ABCB1: variants seen among roughly 807,000 people sequenced by gnomAD.
ABCB1 encodes the protein ATP-dependent translocase ABCB1.
In ABCB1, 69 loss-of-function variants were observed where a neutral mutation model predicts 142.0. The ratio of observed to expected loss-of-function variants is 0.49; its 90% CI spans 0.40 to 0.59. ABCB1 has a LOEUF of 0.59. Among genes scored for constraint, ABCB1 ranks in the 20% least tolerant of loss-of-function variants. ABCB1 has a pLI of 0.00. For synonymous variants in ABCB1, 532 were observed against 539.2 expected (o/e 0.99, Z 0.18); for missense variants, 1,326 against 1,554.7 (o/e 0.85, Z 2.47).
rs1563081133 is a variant in ABCB1, at chr7:87,626,511, T to TATATATGTGTCATATATATGTGTC, written c.-330-25457_-330-25434dup. Among the ~76,000 whole-genome samples the TATATATGTGTCATATATATGTGTC allele has an allele frequency of 3.3e-3, 21 of 6,434 alleles. 8 individuals carry two copies. Among genetic ancestry groups the TATATATGTGTCATATATATGTGTC allele is most frequent in the African/African-American group, 6.8e-3 (4 of 588 alleles). The allele number at this position is 6,434 out of a possible 152,430, so 4.2% of individuals were successfully genotyped here. A position where few individuals can be genotyped will look rare whatever the true frequency, so the allele number is the denominator to read the frequency against. On this transcript the variant is annotated intron_variant, in intron 1 of 28. Transcript: ENST00000265724. Reference sequence around the variant, plus strand: ...ATATATATGTGTCATATATGTGTCATATATATGTGTCATATATATGTGTCA... The same window carrying TATATATGTGTCATATATATGTGTC: ...ATATATATGTGTCATATATGTGTCATATATATGTGTCATATATATGTGTCATATATGTGTCATATATATGTGTCA...
At chr7:87,598,914 T>C (rs1819323550) in intron 2 of ABCB1, among the ~76,000 whole-genome samples, 1 of 152,204 alleles carries the variant, frequency 6.6e-6, no homozygotes, top group Non-Finnish European at 1.5e-5. Context: ...AATTAGCTAC[T>C]GAGGGGTTCA....
At chr7:87,700,315 A>T in intron 1 of ABCB1, 1 of 894,968 alleles carries the variant, frequency 1.1e-6, no homozygotes, top group Non-Finnish European at 1.6e-6. Context: ...TTGCCATTAT[A>T]GTTCACTATA....
At chr7:87,640,192 G>GTATATA (rs772972684) in intron 1 of ABCB1, among the ~76,000 whole-genome samples, 13 of 145,452 alleles carry the variant, frequency 8.9e-5, no homozygotes, top group African/African-American at 3.3e-4. Context: ...ATATATATGT[G>GTATATA]TATATATATA....
At chr7:87,669,413 C>G (rs1157941914) in intron 1 of ABCB1, among the ~76,000 whole-genome samples, 1 of 152,084 alleles carries the variant, frequency 6.6e-6, no homozygotes, top group Non-Finnish European at 1.5e-5. Context: ...ACCATTGGGT[C>G]TTGCTTTTTT....
intron 8 of ABCB1, 56 bp downstream of exon 8, chr7:87,561,207 G>A: frequency 8.8e-6 from 14 of 1,598,086 alleles, no homozygotes; most frequent in East Asian, 2.2e-5. Flanking sequence ...CAATCTGAAG[G>A]GCATTTGAGA....
rs201641803 is a variant in ABCB1, at chr7:87,549,390, C to A, written c.1683G>T (p.Leu561Phe). 3.1e-6 allele frequency: 5 copies of A among 1,614,106 alleles called. No homozygotes were observed. The South Asian group carries it at 5.5e-5, about 18-fold the overall frequency. ...ILLLDEATSA[L>F]DTESEAVVQV... The stretch of plus-strand genomic sequence containing the variant: ...GAACCACTGCTTCGCTTTCTGTGTC[C>A]AAGGCTGACGTGGCCTCATCCAGCA... The change falls in exon 14 of 28, where the codon TTG becomes TTT. Residue 561 changes from leucine (L) to phenylalanine (F), a missense_variant. Coordinates refer to ENST00000622132, the MANE Select transcript of ABCB1 (RefSeq NM_001348946.2).
chr7:87,674,503 T>A (rs1348113512), intron 1 of ABCB1, among the ~76,000 whole-genome samples: 2 of 152,036 alleles, frequency 1.3e-5, no homozygotes, highest in African/African-American at 2.4e-5. Flanking sequence ...CACATACATG[T>A]ACCAGCATGG....
At chr7:87,539,433 C>T (rs4728699) in intron 18 of ABCB1, 88 bp from the exon 19 acceptor site, 1,274,311 of 1,331,250 alleles carry the variant, frequency 0.96, 610,142 homozygotes, top group East Asian at 1. Flanking sequence ...AGCAGGAGAT[C>T]AGACAAAGTC....
intron 1 of ABCB1, chr7:87,693,829 C>T (rs17328880): frequency 0.035 from 47,976 of 1,358,408 alleles, 994 homozygotes; most frequent in Middle Eastern, 0.042. Context: ...CTTAGTTGGG[C>T]TATTCAGTTT....
chr7:87,655,732 G>C (rs1014762313), intron 1 of ABCB1, among the ~76,000 whole-genome samples: 1 of 152,112 alleles, frequency 6.6e-6, no homozygotes, highest in Admixed American at 6.6e-5. Context: ...AAAATGATAA[G>C]TATGTGAGGG....
chr7:87,624,902 CAA>C (rs1820352040), intron 1 of ABCB1, among the ~76,000 whole-genome samples: 1 of 152,208 alleles, frequency 6.6e-6, no homozygotes, highest in Admixed American at 6.5e-5. Context: ...TTGTTTATGG[CAA>C]AGTCTTGGTA....
At chr7:87,683,630 G>T (rs1181056361) in intron 1 of ABCB1, among the ~76,000 whole-genome samples, 1 of 152,148 alleles carries the variant, frequency 6.6e-6, no homozygotes, top group Non-Finnish European at 1.5e-5. Flanking sequence ...TTTTATACAG[G>T]TGTGGTTCAT....
intron 1 of ABCB1, among the ~76,000 whole-genome samples, chr7:87,654,371 C>A (rs1327243973): frequency 6.6e-6 from 1 of 151,972 alleles, no homozygotes; most frequent in Non-Finnish European, 1.5e-5. Context: ...ATGTTACCAG[C>A]ATAAAAACAG....
chr7:87,521,025 G>A lies in ABCB1; in HGVS notation c.2686-149C>T, dbSNP rs866342455. ...TTTTCTCTGTAGAAAAAGATACTAA[G>A]TAATTTATCAAACTGAGTTATGGAT... On this transcript the variant is annotated intron_variant, in intron 21 of 27. Coordinates refer to ENST00000622132, the MANE Select transcript of ABCB1 (RefSeq NM_001348946.2). 19 of 668,332 alleles carry A rather than the reference G, an allele frequency of 2.8e-5. No homozygotes were observed. The African/African-American group carries it at 3.1e-4, about 11-fold the overall frequency. The allele number at this position is 668,332 out of a possible 1,614,324, so 41.4% of individuals were successfully genotyped here. A position where few individuals can be genotyped will look rare whatever the true frequency, so the allele number is the denominator to read the frequency against.
chr7:87,625,130 G>A lies in ABCB1; in HGVS notation c.-330-24052C>T, dbSNP rs184428464. Among the ~76,000 whole-genome samples the A allele has an allele frequency of 2.6e-3, 396 of 152,208 alleles. 2 individuals are homozygous for A. Among genetic ancestry groups the A allele is most frequent in the Non-Finnish European group, 2.7e-3 (182 of 68,006 alleles). ...AAATTAGCCGGGCGTGGTGGCAGGC[G>A]CCTGTAGTCCCAGCGACTCGGGAGG... On this transcript the variant is annotated intron_variant, in intron 1 of 28. Transcript: ENST00000265724.
chr7:87,680,981 G>T (rs947522940), intron 1 of ABCB1, among the ~76,000 whole-genome samples: 4 of 150,450 alleles, frequency 2.7e-5, no homozygotes, highest in East Asian at 4.0e-4. Flanking sequence ...TAAACTTCTG[G>T]TTAGGCTGAT....
chr7:87,553,435 C>T (rs1817169585), intron 9 of ABCB1, among the ~76,000 whole-genome samples: 1 of 151,410 alleles, frequency 6.6e-6, no homozygotes, highest in East Asian at 1.9e-4. Context: ...ATTCTCTTGC[C>T]TCAGCCTCCT....
intron 4 of ABCB1, among the ~76,000 whole-genome samples, chr7:87,581,381 GA>G: frequency 6.6e-6 from 1 of 151,968 alleles, no homozygotes; most frequent in East Asian, 1.9e-4. Flanking sequence ...CTTTATCTAG[GA>G]TCATTTCCAG....
In ABCB1 at chr7:87,549,893, G is replaced by A; in HGVS notation, c.1512C>T (p.Val504=). The A allele has an allele frequency of 1.2e-6, 2 of 1,614,154 alleles. No individual in the cohort carries two copies. The highest frequency in any genetic ancestry group is 1.7e-6 in the Non-Finnish European group (2 of 1,180,026). Reference sequence around the variant, plus strand: ...TAAAGTCATAGGCATTGGCTTCCTTGACAGCTTTCTCAATCTCATCCATGG... The same window carrying A: ...TAAAGTCATAGGCATTGGCTTCCTTAACAGCTTTCTCAATCTCATCCATGG... ...NVTMDEIEKA[V]KEANAYDFIM... The change falls in exon 13 of 28, where the codon GTC becomes GTT. Residue 504 remains valine, a synonymous_variant. Transcript: ENST00000622132.
Sources: allele counts gnomAD v4.1 joint callset (sites outside exome capture counted in the v4.1 genomes callset), GRCh38; gene constraint gnomAD v4.1.1; transcripts MANE v1.5; gene names NCBI Gene and HGNC (gene_info 2026-07-23, HGNC 2026-07-21).